Variants in NUTM2E observed in about 807,000 individuals in gnomAD.
NUTM2E encodes the protein family with sequence similarity 22, member E.
A neutral mutation model predicts 26.1 loss-of-function variants in NUTM2E; 3 were observed. The observed-to-expected ratio is 0.12, with a 90% CI of 0.05 to 0.30. NUTM2E has a LOEUF of 0.30. NUTM2E is among the 10% of genes least tolerant of loss of function. The pLI is 1.00. For synonymous variants in NUTM2E, 13 were observed against 157.5 expected, an observed-to-expected ratio of 0.08 and a Z score of 6.87; for missense variants, 62 against 381.3, an observed-to-expected ratio of 0.16 and a Z score of 6.97.
intron 1 of NUTM2E, among the ~76,000 whole-genome samples, chr10:79,832,943 T>G: frequency 6.6e-6 from 1 of 151,582 alleles, no homozygotes; most frequent in Non-Finnish European, 1.5e-5. Flanking sequence ...GTGAACACAC[T>G]TACTAATTGA....
chr10:79,833,850 C>A (rs1841943932), intron 1 of NUTM2E, among the ~76,000 whole-genome samples: 1 of 151,582 alleles, frequency 6.6e-6, no homozygotes, highest in African/African-American at 2.4e-5. Flanking sequence ...ACCCAGTAAT[C>A]CCATTACTGG....
intron 1 of NUTM2E, among the ~76,000 whole-genome samples, chr10:79,830,607 G>A (rs1841921601): frequency 6.6e-6 from 1 of 151,608 alleles, no homozygotes; most frequent in Non-Finnish European, 1.5e-5. Flanking sequence ...AAACTGAAAA[G>A]CAAATTTTAA....
intron 1 of NUTM2E, among the ~76,000 whole-genome samples, chr10:79,834,998 A>G (rs2132415415): frequency 6.6e-6 from 1 of 151,188 alleles, no homozygotes; most frequent in South Asian, 2.1e-4. Context: ...CTTCCATTCA[A>G]TCTTCTATTA....
In NUTM2E at chr10:79,835,444, G is replaced by C. The variant is rs1278534452; in HGVS notation, c.-2727-2865G>C. Among the ~76,000 whole-genome samples, 3 of 111,248 alleles carry C rather than the reference G, an allele frequency of 2.7e-5. No homozygotes were observed. In the East Asian group the frequency reaches 7.6e-4, roughly 28 times the overall value. The allele number at this position is 111,248 out of a possible 152,430, so 73.0% of individuals were successfully genotyped here. A position where few individuals can be genotyped will look rare whatever the true frequency, so the allele number is the denominator to read the frequency against. On this transcript the variant is annotated intron_variant, in intron 1 of 9. Transcript: ENST00000429984. ...GAGTGAAACAAATTTAGCAATATTT[G>C]CATGACTATTGGAGAACCAGACCAC...
At chr10:79,828,364 TTC>T (rs1362180722) in intron 1 of NUTM2E, among the ~76,000 whole-genome samples, 1 of 151,856 alleles carries the variant, frequency 6.6e-6, no homozygotes, top group Non-Finnish European at 1.5e-5. Context: ...ACTGAAAGTC[TTC>T]TCTCTACGTT....
chr10:79,834,427 A>T lies in NUTM2E; in HGVS notation c.-2727-3882A>T, dbSNP rs569230487. ...AATTTAATTCACAGTTGGGCAGGGC[A>T]TGGTGCCTCACACCTATAATCCAAG... On this transcript the variant is annotated intron_variant, in intron 1 of 9. Transcript: ENST00000429984. Among the ~76,000 whole-genome samples the T allele has an allele frequency of 8.7e-4, 132 of 151,842 alleles. 3 individuals are homozygous for T. Among genetic ancestry groups the T allele is most frequent in the African/African-American group, 3.0e-3 (125 of 41,474 alleles).
chr10:79,839,674 A>C lies in NUTM2E; in HGVS notation c.-2067A>C, dbSNP rs410454. Among the ~76,000 whole-genome samples, 1 of 151,450 alleles carries C rather than the reference A, an allele frequency of 6.6e-6. No homozygotes were observed. Among genetic ancestry groups the C allele is most frequent in the Non-Finnish European group, 1.5e-5 (1 of 67,980 alleles). The stretch of plus-strand genomic sequence containing the variant: ...CGTGATAACACTGAAGAGCCTTCAC[A>C]TTGATGCAGGCCCAGGGCCTCAAGT... On this transcript the variant is annotated 5_prime_UTR_variant, in exon 4 of 10. Coordinates refer to ENST00000429984, the MANE Select transcript of NUTM2E (RefSeq NM_001355263.2).
At chr10:79,845,074 C>T (rs370584752) in intron 5 of NUTM2E, among the ~76,000 whole-genome samples, 19,395 of 110,954 alleles carry the variant, frequency 0.17, 158 homozygotes, top group East Asian at 0.25. Flanking sequence ...CTCAACTGCC[C>T]GTCACTGTCC....
At chr10:79,849,025 G>C (rs545418681) in intron 8 of NUTM2E, 130 bp downstream of exon 8, 2 of 934,780 alleles carry the variant, frequency 2.1e-6, no homozygotes, top group East Asian at 5.4e-5. Context: ...GTCTGTGTAT[G>C]TGATTGTGTG....
intron 1 of NUTM2E, among the ~76,000 whole-genome samples, chr10:79,833,234 T>A (rs1319854563): frequency 6.6e-6 from 1 of 151,866 alleles, no homozygotes; most frequent in Non-Finnish European, 1.5e-5. Flanking sequence ...TTTAAAGCGT[T>A]ACCATTAAAG....
At chr10:79,828,431 G>T (rs995246543) in intron 1 of NUTM2E, among the ~76,000 whole-genome samples, 1 of 151,810 alleles carries the variant, frequency 6.6e-6, no homozygotes, top group South Asian at 2.1e-4. Context: ...AAGGTTAACA[G>T]CCCCCTTCTC....
chr10:79,829,637 T>TAAATGCCA (rs1265419547), intron 1 of NUTM2E, among the ~76,000 whole-genome samples: 2 of 151,898 alleles, frequency 1.3e-5, no homozygotes, highest in African/African-American at 2.4e-5. Flanking sequence ...ATTTATTTAC[T>TAAATGCCA]AAATGCCAAA....
At chr10:79,834,152 G>A (rs1841945720) in intron 1 of NUTM2E, among the ~76,000 whole-genome samples, 1 of 151,254 alleles carries the variant, frequency 6.6e-6, no homozygotes, top group Non-Finnish European at 1.5e-5. Flanking sequence ...AGAAGTGGGA[G>A]TTGAACAATG....
At chr10:79,828,840 A>T (rs1841908418) in intron 1 of NUTM2E, among the ~76,000 whole-genome samples, 1 of 151,842 alleles carries the variant, frequency 6.6e-6, no homozygotes, top group Non-Finnish European at 1.5e-5. Flanking sequence ...GATGTATCTA[A>T]TAGTGTTTAT....
At chr10:79,842,706 T>C (rs1842003308) in intron 4 of NUTM2E, among the ~76,000 whole-genome samples, 1 of 108,230 alleles carries the variant, frequency 9.2e-6, no homozygotes, top group South Asian at 2.6e-4. Flanking sequence ...GCTCTCTCCC[T>C]AGAGATGGCT....
chr10:79,828,953 T>G (rs186857591), intron 1 of NUTM2E, among the ~76,000 whole-genome samples: 4,231 of 151,858 alleles, frequency 0.028, 130 homozygotes, highest in Non-Finnish European at 0.042. Flanking sequence ...ATTTAAATAA[T>G]TATCATTAAT....
chr10:79,832,564 A>T (rs1418013629), intron 1 of NUTM2E, among the ~76,000 whole-genome samples: 1 of 151,664 alleles, frequency 6.6e-6, no homozygotes, highest in East Asian at 1.9e-4. Flanking sequence ...TCACACAAAA[A>T]CATTTTTACA....
chr10:79,829,482 A>G lies in NUTM2E; in HGVS notation c.-2728+2125A>G, dbSNP rs905214435. ...CTGTTTAAATTATCTTGGATTATCAACCCAATCAGCTGTGTCCTCAGAACA... is the reference window on the plus strand; with the variant it reads ...CTGTTTAAATTATCTTGGATTATCAGCCCAATCAGCTGTGTCCTCAGAACA... On this transcript the variant is annotated intron_variant, in intron 1 of 9. Coordinates refer to ENST00000429984, the MANE Select transcript of NUTM2E (RefSeq NM_001355263.2). 1.2e-4 allele frequency among the ~76,000 whole-genome samples: 18 copies of G among 151,910 alleles called. 1 individual carries two copies. The highest frequency in any genetic ancestry group is 2.2e-4 in the Non-Finnish European group (15 of 67,954).
At chr10:79,830,858 C>T (rs1365506673) in intron 1 of NUTM2E, among the ~76,000 whole-genome samples, 1 of 151,410 alleles carries the variant, frequency 6.6e-6, no homozygotes, top group African/African-American at 2.4e-5. Context: ...ATCCTCAGTC[C>T]CCACCATTCC....
Sources: gnomAD v4.1 joint callset for allele counts (sites outside exome capture counted in the v4.1 genomes callset) on GRCh38, gnomAD v4.1.1 for gene constraint, MANE v1.5 for transcripts, NCBI Gene and HGNC (gene_info 2026-07-23, HGNC 2026-07-21) for gene names.